The following DEFB131A variants were observed in gnomAD, a reference collection of about 807,000 sequenced individuals.
DEFB131A encodes defensin beta 131A.
In DEFB131A, 5 loss-of-function variants were observed where a neutral mutation model predicts 2.4. The observed-to-expected ratio is 2.12, with a 90% CI of 1.11 to 4.47. The LOEUF (loss-of-function observed/expected upper bound fraction) is 4.47. Among genes scored for constraint, DEFB131A ranks in the 30% most tolerant of loss-of-function variants. DEFB131A has a pLI of 0.00. For synonymous variants in DEFB131A, 34 were observed against 25.7 expected (o/e 1.32, Z -0.97); for missense variants, 120 against 79.9 (o/e 1.50, Z -1.91).
intron 1 of DEFB131A, among the ~76,000 whole-genome samples, chr4:9,448,886 G>T (rs1452497433): frequency 6.6e-6 from 1 of 151,988 alleles, no homozygotes; most frequent in Non-Finnish European, 1.5e-5. Flanking sequence ...ACAGTTGGGG[G>T]GTGGGAATGA....
At chr4:9,444,723 G>C in intron 1 of DEFB131A, 132 bp downstream of exon 1, 1 of 873,914 alleles carries the variant, frequency 1.1e-6, no homozygotes. Flanking sequence ...TCAGAGGATT[G>C]AAGAGTTGAT....
chr4:9,450,348 C>T lies in DEFB131A; in HGVS notation c.59-12C>T, dbSNP rs750348987. On this transcript the variant is annotated splice_polypyrimidine_tract_variant and intron_variant, in intron 1 of 1. Transcript: ENST00000334879. ...AATATTGTGTCATATAATTTGTCTTCTCTTTTTAAAGCCAGAAGCTTCATT... is the reference window on the plus strand; with the variant it reads ...AATATTGTGTCATATAATTTGTCTTTTCTTTTTAAAGCCAGAAGCTTCATT... The T allele has an allele frequency of 2.6e-6, 4 of 1,533,740 alleles. 1 individual carries two copies. Among genetic ancestry groups the T allele is most frequent in the South Asian group, 1.3e-5 (1 of 77,458 alleles).
chr4:9,450,360 C>T lies in DEFB131A; in HGVS notation c.59C>T (p.Ala20Val), dbSNP rs749151749. 3 of 1,549,920 alleles carry T rather than the reference C, an allele frequency of 1.9e-6. 1 individual carries two copies. The highest frequency in any genetic ancestry group is 2.6e-6 in the Non-Finnish European group (3 of 1,146,434). ...TATAATTTGTCTTCTCTTTTTAAAG[C>T]CAGAAGCTTCATTTCTAATGATGAA... ...VLSLMFTVPP[A>V]RSFISNDECP... Residue 20 changes from alanine to valine, a missense_variant and splice_region_variant, in exon 2 of 2, where the codon GCC (alanine) becomes GTC (valine). By Grantham distance (64) the Ala-to-Val change is moderately conservative. Transcript: ENST00000334879.
At chr4:9,450,120 G>A (rs1402859139) in intron 1 of DEFB131A, among the ~76,000 whole-genome samples, 3 of 152,088 alleles carry the variant, frequency 2.0e-5, no homozygotes, top group African/African-American at 7.2e-5. Context: ...TGTGGTAATA[G>A]TTCTCATTTA....
At chr4:9,445,587 G>C (rs1290416054) in intron 1 of DEFB131A, among the ~76,000 whole-genome samples, 1 of 151,202 alleles carries the variant, frequency 6.6e-6, no homozygotes, top group African/African-American at 2.4e-5. Flanking sequence ...AACAATTCAA[G>C]ATTCCCTCAT....
intron 1 of DEFB131A, among the ~76,000 whole-genome samples, chr4:9,448,848 G>A (rs917239853): frequency 2.6e-5 from 4 of 152,044 alleles, no homozygotes; most frequent in Non-Finnish European, 5.9e-5. Context: ...GAACAATTAG[G>A]CAAGAAAAGG....
intron 1 of DEFB131A, among the ~76,000 whole-genome samples, 180 bp from the exon 2 acceptor site, chr4:9,450,180 G>T (rs1717618548): frequency 6.6e-6 from 1 of 152,142 alleles, no homozygotes; most frequent in South Asian, 2.1e-4. Flanking sequence ...TCTCTTTATA[G>T]AAGAAATCAT....
At chr4:9,446,205 G>A (rs1283782360) in intron 1 of DEFB131A, among the ~76,000 whole-genome samples, 3 of 151,842 alleles carry the variant, frequency 2.0e-5, no homozygotes, top group Non-Finnish European at 4.4e-5. Context: ...TGTGCTCGGA[G>A]GTAATATGAG....
chr4:9,448,734 A>T (rs1416969479), intron 1 of DEFB131A, among the ~76,000 whole-genome samples: 1 of 152,166 alleles, frequency 6.6e-6, no homozygotes, highest in Non-Finnish European at 1.5e-5. Flanking sequence ...CTTCGCTCAT[A>T]CTCAATGGTG....
Position 9,445,382 on chromosome 4 carries a change from T to G in DEFB131A, c.58+791T>G, listed in dbSNP as rs148482046. Among the ~76,000 whole-genome samples, 344 of 152,192 alleles carry G rather than the reference T, an allele frequency of 2.3e-3. 10 individuals are homozygous for G. The East Asian group carries it at 0.059, about 26-fold the overall frequency. ...CTTTTTGTATGGTGAGAGTTAAGAT[T>G]CCACCTTAATTTTTAACCACATAAC... On this transcript the variant is annotated intron_variant, in intron 1 of 1. Coordinates refer to ENST00000334879, the MANE Select transcript of DEFB131A (RefSeq NM_001040448.3).
intron 1 of DEFB131A, among the ~76,000 whole-genome samples, 166 bp downstream of exon 1, chr4:9,444,757 T>C (rs1189487813): frequency 1.3e-5 from 2 of 152,064 alleles, no homozygotes; most frequent in Non-Finnish European, 2.9e-5. Context: ...ATAAGGTGGT[T>C]CACTGCAGTG....
chr4:9,449,841 G>T (rs1461421281), intron 1 of DEFB131A, among the ~76,000 whole-genome samples: 2 of 152,074 alleles, frequency 1.3e-5, no homozygotes, highest in South Asian at 2.1e-4. Flanking sequence ...CTCATTTAAG[G>T]ATTCTTTTTT....
intron 1 of DEFB131A, among the ~76,000 whole-genome samples, chr4:9,449,105 A>G (rs1435710553): frequency 6.6e-6 from 1 of 151,748 alleles, no homozygotes; most frequent in East Asian, 1.9e-4. Flanking sequence ...GAAAAAGATA[A>G]GACACTTAAG....
chr4:9,444,704 G>T (rs1262772186), intron 1 of DEFB131A, 113 bp downstream of exon 1: 1 of 1,061,144 alleles, frequency 9.4e-7, no homozygotes, highest in African/African-American at 1.5e-5. Flanking sequence ...ACTGTACCAT[G>T]AAGGCTGCTC....
At chr4:9,446,092 T>G (rs1717487593) in intron 1 of DEFB131A, among the ~76,000 whole-genome samples, 1 of 152,118 alleles carries the variant, frequency 6.6e-6, no homozygotes, top group Non-Finnish European at 1.5e-5. Flanking sequence ...AATTTTATAG[T>G]AAATTCTATC....
At chr4:9,448,239 A>T (rs1717555433) in intron 1 of DEFB131A, among the ~76,000 whole-genome samples, 1 of 152,102 alleles carries the variant, frequency 6.6e-6, no homozygotes, top group South Asian at 2.1e-4. Context: ...CAAGGATAAG[A>T]ATTACATCAG....
intron 1 of DEFB131A, among the ~76,000 whole-genome samples, chr4:9,447,044 G>C (rs886679510): frequency 1.9e-4 from 29 of 152,110 alleles, no homozygotes; most frequent in African/African-American, 6.3e-4. Flanking sequence ...GTGATGAGGA[G>C]AAGAATGTGT....
In DEFB131A at chr4:9,450,591, T is replaced by C. The variant is rs144606996; in HGVS notation, c.*77T>C. On this transcript the variant is annotated 3_prime_UTR_variant, in exon 2 of 2. Coordinates refer to ENST00000334879, the MANE Select transcript of DEFB131A (RefSeq NM_001040448.3). The stretch of plus-strand genomic sequence containing the variant: ...CTCTCTTATCTATGAATAATTAACA[T>C]GATAGATGAAAATTATTATAATTGC... 8.6e-3 allele frequency: 13,041 copies of C among 1,514,046 alleles called. 126 individuals carry two copies. The highest frequency in any genetic ancestry group is 0.011 in the Non-Finnish European group (11,828 of 1,124,178). The allele number at this position is 1,514,046 out of a possible 1,614,324, so 93.8% of individuals were successfully genotyped here.
At chr4:9,449,888 G>T (rs1717610533) in intron 1 of DEFB131A, among the ~76,000 whole-genome samples, 2 of 152,070 alleles carry the variant, frequency 1.3e-5, no homozygotes, top group Admixed American at 1.3e-4. Context: ...ACCAAAGACA[G>T]CTTTTCCACT....
Sources: gnomAD v4.1 joint callset for allele counts (sites outside exome capture counted in the v4.1 genomes callset) on GRCh38, gnomAD v4.1.1 for gene constraint, MANE v1.5 for transcripts, NCBI Gene and HGNC (gene_info 2026-07-23, HGNC 2026-07-21) for gene names.